Variants in RBPMS observed in about 807,000 individuals in gnomAD.
RBPMS encodes the protein RNA-binding protein with multiple splicing.
RBPMS carries 7 observed loss-of-function variants against 26.8 expected under a neutral mutation model. That is an observed-to-expected ratio of 0.26 (90% CI 0.15 to 0.49). The LOEUF (loss-of-function observed/expected upper bound fraction) is 0.49. Among genes scored for constraint, RBPMS ranks in the 20% least tolerant of loss-of-function variants. The probability of loss-of-function intolerance (pLI) is 0.98; values close to 1 mark genes in which losing one functional copy is unlikely to be tolerated. For synonymous variants in RBPMS, 96 were observed against 93.3 expected (o/e 1.03, Z -0.17); for missense variants, 186 against 250.0 (o/e 0.74, Z 1.73).
chr8:30,481,322 CA>C (rs947254516), intron 4 of RBPMS, among the ~76,000 whole-genome samples: 2 of 151,474 alleles, frequency 1.3e-5, no homozygotes, highest in East Asian at 1.9e-4. Context: ...TGATAATAGT[CA>C]AAAAAAACTG....
intron 5 of RBPMS, among the ~76,000 whole-genome samples, chr8:30,525,886 G>A (rs1823528740): frequency 6.6e-6 from 1 of 152,208 alleles, no homozygotes; most frequent in South Asian, 2.1e-4. Flanking sequence ...TGCTTCTCTT[G>A]AATTCTCCTC....
At chr8:30,531,784 G>A (rs1824249224) in intron 5 of RBPMS, among the ~76,000 whole-genome samples, 1 of 152,118 alleles carries the variant, frequency 6.6e-6, no homozygotes, top group South Asian at 2.1e-4. Flanking sequence ...AAATCTTTGT[G>A]ATTTTTAGAA....
intron 4 of RBPMS, among the ~76,000 whole-genome samples, chr8:30,485,852 T>C (rs1025799527): frequency 9.2e-5 from 14 of 152,390 alleles, no homozygotes; most frequent in African/African-American, 3.1e-4. Flanking sequence ...GTTCTGGCTC[T>C]GTTCTCTTCA....
At chr8:30,440,191 T>A (rs1277703453) in intron 1 of RBPMS, among the ~76,000 whole-genome samples, 1 of 152,180 alleles carries the variant, frequency 6.6e-6, no homozygotes, top group Admixed American at 6.6e-5. Context: ...TCCTTCCCAA[T>A]GTGCTAGGAT....
At chr8:30,535,155 A>G (rs1247723247) in intron 5 of RBPMS, among the ~76,000 whole-genome samples, 3 of 152,252 alleles carry the variant, frequency 2.0e-5, no homozygotes, top group Non-Finnish European at 4.4e-5. Context: ...ACATTTTCTT[A>G]AAAGTCAAGG....
At chr8:30,554,518 A>C (rs535791769) in intron 6 of RBPMS, among the ~76,000 whole-genome samples, 1 of 152,294 alleles carries the variant, frequency 6.6e-6, no homozygotes, top group Admixed American at 6.5e-5. Flanking sequence ...ATTTCTCTCT[A>C]ATGTCCTTGA....
At chr8:30,542,712 T>G (rs1270012809) in intron 5 of RBPMS, among the ~76,000 whole-genome samples, 1 of 152,232 alleles carries the variant, frequency 6.6e-6, no homozygotes, top group South Asian at 2.1e-4. Context: ...AGAATGGTTG[T>G]TTGTTTAAAA....
chr8:30,540,149 G>A (rs1029623829), intron 5 of RBPMS, among the ~76,000 whole-genome samples: 14 of 152,166 alleles, frequency 9.2e-5, no homozygotes, highest in African/African-American at 1.4e-4. Context: ...GTTAAGCTGG[G>A]TGGAAGGAGT....
At chr8:30,499,481 T>G (rs1220115668) in intron 4 of RBPMS, among the ~76,000 whole-genome samples, 1 of 152,108 alleles carries the variant, frequency 6.6e-6, no homozygotes, top group Admixed American at 6.6e-5. Context: ...TGGCAAATGA[T>G]CAAAGCTAAT....
Position 30,474,871 on chromosome 8 carries a change from C to G in RBPMS, c.144+15C>G. The G allele has an allele frequency of 6.5e-7, 1 of 1,538,468 alleles. No homozygotes were observed. The highest frequency in any genetic ancestry group is 9.0e-7 in the Non-Finnish European group (1 of 1,114,432). On this transcript the variant is annotated intron_variant, in intron 2 of 8. Transcript: ENST00000397323. ...GACCATTTAAGGTACCTTTTTTTAT[C>G]TTTCAGAAATTATAAAATGAGACAA... is the stretch of plus-strand genomic sequence containing the variant.
At chr8:30,489,893 C>G (rs1011043709) in intron 4 of RBPMS, among the ~76,000 whole-genome samples, 7 of 152,086 alleles carry the variant, frequency 4.6e-5, no homozygotes, top group Non-Finnish European at 1.0e-4. Context: ...TCACTGCAAC[C>G]TCTGCCTCCC....
intron 1 of RBPMS, among the ~76,000 whole-genome samples, chr8:30,443,181 T>G (rs1029352277): frequency 5.9e-5 from 9 of 152,184 alleles, no homozygotes; most frequent in African/African-American, 2.2e-4. Context: ...ATTGCCTTTT[T>G]GTAAAATATT....
At chr8:30,468,821 T>C (rs1380639588) in intron 1 of RBPMS, among the ~76,000 whole-genome samples, 1 of 152,228 alleles carries the variant, frequency 6.6e-6, no homozygotes, top group African/African-American at 2.4e-5. Flanking sequence ...TTTGAGGTCT[T>C]CATTTATATC....
At chr8:30,472,382 G>T (rs1817217559) in intron 1 of RBPMS, among the ~76,000 whole-genome samples, 1 of 152,188 alleles carries the variant, frequency 6.6e-6, no homozygotes, top group African/African-American at 2.4e-5. Flanking sequence ...AGAGATCAGA[G>T]CAGTGATTGC....
At chr8:30,385,787 A>C (rs1164549333) in intron 1 of RBPMS, among the ~76,000 whole-genome samples, 1 of 152,162 alleles carries the variant, frequency 6.6e-6, no homozygotes, top group Non-Finnish European at 1.5e-5. Context: ...AAAACGCAGC[A>C]ATTCACCAAA....
chr8:30,486,523 C>A (rs1443730063), intron 4 of RBPMS, among the ~76,000 whole-genome samples: 1 of 151,062 alleles, frequency 6.6e-6, no homozygotes, highest in African/African-American at 2.4e-5. Flanking sequence ...ATTCCAGCTA[C>A]TTGGGAGGCT....
chr8:30,431,245 C>A (rs1811890664), intron 1 of RBPMS, among the ~76,000 whole-genome samples: 1 of 152,072 alleles, frequency 6.6e-6, no homozygotes, highest in South Asian at 2.1e-4. Flanking sequence ...AGTAAGGGGA[C>A]AACTCAAATT....
At chr8:30,479,226 C>A in intron 3 of RBPMS, 89 bp from the exon 4 acceptor site, 1 of 933,788 alleles carries the variant, frequency 1.1e-6, no homozygotes, top group Non-Finnish European at 1.7e-6. Flanking sequence ...ATTTCTTTAT[C>A]TTAGCTCTTC....
Position 30,385,025 on chromosome 8 carries a change from G to A in RBPMS, c.-68G>A. 2 of 1,330,636 alleles carry A rather than the reference G, an allele frequency of 1.5e-6. No homozygotes were observed. Among genetic ancestry groups the A allele is most frequent in the Non-Finnish European group, 2.0e-6 (2 of 993,380 alleles). The allele number at this position is 1,330,636 out of a possible 1,614,324, so 82.4% of individuals were successfully genotyped here. On this transcript the variant is annotated 5_prime_UTR_variant, in exon 1 of 9. Coordinates refer to ENST00000397323, the MANE Select transcript of RBPMS (RefSeq NM_001008710.3). ...CCCGGCGCCCGGGGAAGGCTCCAGT[G>A]GGCTAGCGCGCCCTCGCCCAGCCCC...
Sources: allele counts gnomAD v4.1 joint callset (sites outside exome capture counted in the v4.1 genomes callset), GRCh38; gene constraint gnomAD v4.1.1; transcripts MANE v1.5; gene names NCBI Gene and HGNC (gene_info 2026-07-23, HGNC 2026-07-21).